Variants in FAM107B observed in about 807,000 individuals in gnomAD.
FAM107B encodes the protein protein FAM107B.
Under a neutral mutation model 31.5 loss-of-function variants are expected in FAM107B, and 21 were observed. The observed-to-expected ratio is 0.67, with a 90% CI of 0.47 to 0.96. FAM107B has a LOEUF of 0.96. Among genes scored for constraint, FAM107B ranks in the 40% least tolerant of loss-of-function variants. The probability of loss-of-function intolerance (pLI) is 0.00; values close to 1 mark genes in which losing one functional copy is unlikely to be tolerated. For synonymous variants in FAM107B, 157 were observed against 141.5 expected (o/e 1.11, Z -0.78); for missense variants, 452 against 377.1 (o/e 1.20, Z -1.64).
intron 1 of FAM107B, among the ~76,000 whole-genome samples, chr10:14,710,500 C>T (rs1348375260): frequency 1.3e-5 from 2 of 151,456 alleles, no homozygotes; most frequent in Admixed American, 6.6e-5. Flanking sequence ...AATACCAATG[C>T]TTAGGCCCTA....
chr10:14,666,553 A>G lies in FAM107B; in HGVS notation c.469+1081T>C, dbSNP rs138544409. ...TGGGGACACAGAGCCAAACCATAACAGATTGGAATGAGAATCATGAAAAAA... is the reference window on the plus strand; with the variant it reads ...TGGGGACACAGAGCCAAACCATAACGGATTGGAATGAGAATCATGAAAAAA... On this transcript the variant is annotated intron_variant, in intron 2 of 4. Transcript: ENST00000181796. Among the ~76,000 whole-genome samples, 170 of 152,298 alleles carry G rather than the reference A, an allele frequency of 1.1e-3. 1 individual carries two copies. Among genetic ancestry groups the G allele is most frequent in the African/African-American group, 3.7e-3 (155 of 41,554 alleles).
chr10:14,555,450 T>A (rs1218666475), intron 2 of FAM107B, among the ~76,000 whole-genome samples: 1 of 152,258 alleles, frequency 6.6e-6, no homozygotes, highest in East Asian at 1.9e-4. Flanking sequence ...ACTGACATAA[T>A]TTAATGCCTG....
intron 2 of FAM107B, among the ~76,000 whole-genome samples, chr10:14,634,420 T>C (rs908811924): frequency 6.9e-6 from 1 of 145,982 alleles, no homozygotes; most frequent in Non-Finnish European, 1.5e-5. Flanking sequence ...AAAAAAAAAT[T>C]CAAAATATAT....
chr10:14,669,386 G>C, intron 1 of FAM107B, among the ~76,000 whole-genome samples: 1 of 112,396 alleles, frequency 8.9e-6, no homozygotes, highest in Admixed American at 9.2e-5. Context: ...AAAAAAAAAG[G>C]AAGAAAGAAA....
chr10:14,529,189 T>C (rs919596934), intron 3 of FAM107B, among the ~76,000 whole-genome samples: 3 of 152,256 alleles, frequency 2.0e-5, no homozygotes, highest in African/African-American at 4.8e-5. Flanking sequence ...CTCATTTTGC[T>C]TTGGCCATAA....
chr10:14,547,850 G>A (rs1848844416), intron 2 of FAM107B, among the ~76,000 whole-genome samples: 1 of 152,210 alleles, frequency 6.6e-6, no homozygotes, highest in East Asian at 1.9e-4. Flanking sequence ...GCTCTTATTT[G>A]ATTTCTGCTT....
chr10:14,740,080 A>G (rs1856401412), intron 1 of FAM107B, among the ~76,000 whole-genome samples: 1 of 152,262 alleles, frequency 6.6e-6, no homozygotes, highest in Admixed American at 6.5e-5. Context: ...AAAGCTAAAC[A>G]TAGGCTTACC....
intron 2 of FAM107B, chr10:14,663,398 C>G (rs937722560): frequency 6.6e-6 from 1 of 152,304 alleles, no homozygotes; most frequent in South Asian, 2.1e-4. Flanking sequence ...AGAAGGTAAA[C>G]TTCGTCTCCC....
intron 1 of FAM107B, among the ~76,000 whole-genome samples, chr10:14,771,076 C>T (rs1441237683): frequency 2.6e-5 from 4 of 151,722 alleles, no homozygotes; most frequent in African/African-American, 4.8e-5. Flanking sequence ...AATATTTTTC[C>T]GCCAGGCAAG....
chr10:14,738,888 T>G (rs1324435021), intron 1 of FAM107B, among the ~76,000 whole-genome samples: 1 of 152,234 alleles, frequency 6.6e-6, no homozygotes, highest in Admixed American at 6.5e-5. Flanking sequence ...GGCAATGAAT[T>G]TATTTTGCTC....
rs895359786 is a variant in FAM107B, at chr10:14,548,451, T to G, written c.470-17936A>C. 3 of 985,572 alleles carry G rather than the reference T, an allele frequency of 3.0e-6. No individual in the cohort carries two copies. In the African/African-American group the frequency reaches 5.2e-5, roughly 17 times the overall value. 61.1% of individuals were successfully genotyped at this position (985,572 alleles called of 1,614,324 possible). A position where few individuals can be genotyped will look rare whatever the true frequency, so the allele number is the denominator to read the frequency against. Reference sequence around the variant, plus strand: ...GTAGGTAACAGCACCTGGCTGCAAGTAGCTGGAAGCGCAGGGCTCCTCTGC... The same window carrying G: ...GTAGGTAACAGCACCTGGCTGCAAGGAGCTGGAAGCGCAGGGCTCCTCTGC... On this transcript the variant is annotated intron_variant, in intron 2 of 4. Coordinates refer to ENST00000181796, the MANE Select transcript of FAM107B (RefSeq NM_031453.4).
intron 2 of FAM107B, among the ~76,000 whole-genome samples, chr10:14,589,636 G>C (rs183693450): frequency 6.6e-4 from 101 of 152,210 alleles, no homozygotes; most frequent in Non-Finnish European, 1.1e-3. Context: ...GGGTGAATAA[G>C]AGTACATTCT....
At chr10:14,726,168 T>C (rs1856031317) in intron 1 of FAM107B, among the ~76,000 whole-genome samples, 2 of 152,184 alleles carry the variant, frequency 1.3e-5, no homozygotes, top group Admixed American at 6.5e-5. Context: ...TAATTTTGTA[T>C]TTTTAGTAGA....
chr10:14,660,055 G>A (rs1854191286), intron 2 of FAM107B, among the ~76,000 whole-genome samples: 1 of 152,108 alleles, frequency 6.6e-6, no homozygotes, highest in Non-Finnish European at 1.5e-5. Context: ...AATGTGCTGG[G>A]CTCCACTCAG....
chr10:14,530,351 G>A lies in FAM107B; in HGVS notation c.634C>T (p.Leu212Phe). Residue 212 changes from leucine to phenylalanine, a missense_variant, in exon 3 of 5, where the codon CTT becomes TTT. Transcript: ENST00000181796. ...SRNHQDLHRE[L>F]LMNQKRGLAP... Reference sequence around the variant, plus strand: ...TTTTACCTTTTTTGATTCATAAGAAGTTCTCTGTGAAGATCTTGATGGTTC... The same window carrying A: ...TTTTACCTTTTTTGATTCATAAGAAATTCTCTGTGAAGATCTTGATGGTTC... 1.9e-6 allele frequency: 3 copies of A among 1,610,388 alleles called. No individual in the cohort carries two copies. The highest frequency in any genetic ancestry group is 2.5e-6 in the Non-Finnish European group (3 of 1,179,100).
intron 1 of FAM107B, among the ~76,000 whole-genome samples, chr10:14,682,231 A>T (rs999313232): frequency 4.6e-5 from 7 of 152,344 alleles, no homozygotes; most frequent in African/African-American, 1.7e-4. Context: ...TGAACATAAA[A>T]TGTCAAGGAA....
intron 2 of FAM107B, among the ~76,000 whole-genome samples, chr10:14,619,697 TG>T (rs1416077448): frequency 7.7e-6 from 1 of 129,834 alleles, no homozygotes; most frequent in Admixed American, 8.8e-5. Context: ...GATTTGTGTT[TG>T]TGTCCTAGCT....
intron 1 of FAM107B, among the ~76,000 whole-genome samples, chr10:14,685,497 A>G (rs1379842132): frequency 6.6e-6 from 1 of 152,036 alleles, no homozygotes; most frequent in Admixed American, 6.6e-5. Flanking sequence ...CCCAGTTTTC[A>G]AGGAAGAATT....
At chr10:14,549,166 A>G (rs1849023675) in intron 2 of FAM107B, among the ~76,000 whole-genome samples, 1 of 152,148 alleles carries the variant, frequency 6.6e-6, no homozygotes, top group South Asian at 2.1e-4. Flanking sequence ...GAGGAAACCA[A>G]CATCTATTGT....
Sources: allele counts gnomAD v4.1 joint callset (sites outside exome capture counted in the v4.1 genomes callset), GRCh38; gene constraint gnomAD v4.1.1; transcripts MANE v1.5; gene names NCBI Gene and HGNC (gene_info 2026-07-23, HGNC 2026-07-21).